PRKCD: variants seen among roughly 807,000 people sequenced by gnomAD.
PRKCD encodes the protein protein kinase C delta.
PRKCD carries 20 observed loss-of-function variants against 82.2 expected under a neutral mutation model. The observed-to-expected ratio is 0.24, with a 90% CI of 0.17 to 0.35. PRKCD has a LOEUF of 0.35. Among genes scored for constraint, PRKCD ranks in the 10% least tolerant of loss-of-function variants. The pLI, the probability that PRKCD is intolerant of heterozygous loss-of-function variation, is 1.00. For missense variants in PRKCD, 607 were observed against 899.0 expected (o/e 0.68, Z 4.15); for synonymous variants, 317 against 337.0 (o/e 0.94, Z 0.65).
chr3:53,176,192 G>A lies in PRKCD; in HGVS notation c.-19-2212G>A, dbSNP rs575834725. On this transcript the variant is annotated intron_variant, in intron 2 of 18. Coordinates refer to ENST00000330452, the MANE Select transcript of PRKCD (RefSeq NM_006254.4). ...CTGCTGGTGTCAGGCTGAAGGCTTCGGGACTTGGGCTCAGGCATGAGCTTG... is the reference window on the plus strand; with the variant it reads ...CTGCTGGTGTCAGGCTGAAGGCTTCAGGACTTGGGCTCAGGCATGAGCTTG... Among the ~76,000 whole-genome samples, 14 of 152,262 alleles carry A rather than the reference G, an allele frequency of 9.2e-5. No homozygotes were observed. The South Asian group carries it at 1.7e-3, about 18-fold the overall frequency.
At chr3:53,165,362 C>T (rs373097369) in intron 2 of PRKCD, 147 bp downstream of exon 2, 35 of 152,410 alleles carry the variant, frequency 2.3e-4, no homozygotes, top group African/African-American at 8.4e-4. Flanking sequence ...GCCCAGGGGC[C>T]GCAGCTGTTT....
At chr3:53,188,470 C>A (rs1402549697) in intron 15 of PRKCD, among the ~76,000 whole-genome samples, 2 of 152,188 alleles carry the variant, frequency 1.3e-5, no homozygotes, top group Non-Finnish European at 1.5e-5. Flanking sequence ...GTGACATCAC[C>A]TGTTTGAGCC....
intron 2 of PRKCD, among the ~76,000 whole-genome samples, chr3:53,173,229 G>A (rs1278930746): frequency 6.6e-6 from 1 of 152,200 alleles, no homozygotes; most frequent in Non-Finnish European, 1.5e-5. Context: ...CTTGTCTGCT[G>A]GAGGCAACCA....
intron 5 of PRKCD, 71 bp from the exon 6 acceptor site, chr3:53,181,373 C>T (rs549952346): frequency 1.2e-4 from 198 of 1,609,796 alleles, no homozygotes; most frequent in Non-Finnish European, 1.5e-4. Flanking sequence ...CCAGGACCAC[C>T]CTGGGAGGGA....
In PRKCD at chr3:53,185,702, T is replaced by C. The variant is rs1703651513; in HGVS notation, c.985+2T>C. On this transcript the variant is annotated splice_donor_variant, in intron 11 of 18. Coordinates refer to ENST00000330452, the MANE Select transcript of PRKCD (RefSeq NM_006254.4). LOFTEE classifies it high-confidence loss of function. ...GAGTTGCTGGGGAGGACATGCAAGG[T>C]GAAGCTGGGTCCATTGCCCCATTAC... The C allele has an allele frequency of 6.2e-7, 1 of 1,611,892 alleles. No individual in the cohort carries two copies. Among genetic ancestry groups the C allele is most frequent in the African/African-American group, 1.3e-5 (1 of 74,908 alleles).
At chr3:53,161,987 C>T (rs1389651148) in intron 1 of PRKCD, among the ~76,000 whole-genome samples, 1 of 151,048 alleles carries the variant, frequency 6.6e-6, no homozygotes, top group East Asian at 2.0e-4. Context: ...CCAGGCCAGG[C>T]CGCCCGCCGG....
rs1575542016 is a variant in PRKCD, at chr3:53,186,418, G to A, written c.1260+78G>A. ...TCCTCAGCCCCCCTCAGTCAGGGCTGTGTCTCCCCTTCAGGCCACTTAAGG... is the reference window on the plus strand; with the variant it reads ...TCCTCAGCCCCCCTCAGTCAGGGCTATGTCTCCCCTTCAGGCCACTTAAGG... On this transcript the variant is annotated intron_variant, in intron 13 of 18. Coordinates refer to ENST00000330452, the MANE Select transcript of PRKCD (RefSeq NM_006254.4). The A allele has an allele frequency of 4.4e-6, 7 of 1,573,202 alleles. No individual in the cohort carries two copies. In the South Asian group the frequency reaches 6.9e-5, roughly 15 times the overall value.
rs1703678940 is a variant in PRKCD at position 53,186,162 on chromosome 3, A to G, written c.1087-5A>G. On this transcript the variant is annotated splice_polypyrimidine_tract_variant and splice_region_variant and intron_variant, in intron 12 of 18. Coordinates refer to ENST00000330452, the MANE Select transcript of PRKCD (RefSeq NM_006254.4). ...ACCTGCTCAGCACCCGTGTCTCCCCATCAGGTGCTGCTTGGAGAGCTGAAG... is the reference window on the plus strand; with the variant it reads ...ACCTGCTCAGCACCCGTGTCTCCCCGTCAGGTGCTGCTTGGAGAGCTGAAG... The G allele has an allele frequency of 6.2e-7, 1 of 1,613,264 alleles. No individual in the cohort carries two copies. The highest frequency in any genetic ancestry group is 2.2e-5 in the East Asian group (1 of 44,860).
At chr3:53,172,623 G>T (rs943111233) in intron 2 of PRKCD, among the ~76,000 whole-genome samples, 1 of 152,210 alleles carries the variant, frequency 6.6e-6, no homozygotes, top group Non-Finnish European at 1.5e-5. Context: ...GGGGGAGAAG[G>T]CTGCAGTAGG....
chr3:53,178,330 G>GT, intron 2 of PRKCD, 74 bp from the exon 3 acceptor site: 4 of 899,718 alleles, frequency 4.4e-6, no homozygotes, highest in Non-Finnish European at 6.9e-6. Context: ...GGGGGAGCGG[G>GT]TCCCTGAGTG....
chr3:53,179,859 C>G, intron 4 of PRKCD, 83 bp downstream of exon 4: 2 of 1,506,610 alleles, frequency 1.3e-6, no homozygotes, highest in Non-Finnish European at 1.8e-6. Context: ...TGCGTGCACA[C>G]ACGCGGGCTT....
rs782032884 is a variant in PRKCD at position 53,189,117 on chromosome 3, G to C, written c.1614G>C (p.Leu538=). The part of the protein sequence containing the change: ...SVDWWSFGVL[L]YEMLIGQSPF... ...ACTGGTGGTCTTTCGGGGTCCTTCTGTACGAGATGCTCATTGGCCAGTCCC... is the reference window on the plus strand; with the variant it reads ...ACTGGTGGTCTTTCGGGGTCCTTCTCTACGAGATGCTCATTGGCCAGTCCC... Residue 538 remains leucine (L), a synonymous_variant, in exon 17 of 19, where the codon CTG becomes CTC. Coordinates refer to ENST00000330452, the MANE Select transcript of PRKCD (RefSeq NM_006254.4). 1 of 1,614,230 alleles carries C rather than the reference G, an allele frequency of 6.2e-7. No individual in the cohort carries two copies. The highest frequency in any genetic ancestry group is 8.5e-7 in the Non-Finnish European group (1 of 1,180,038).
At chr3:53,176,805 CATT>C in intron 2 of PRKCD, among the ~76,000 whole-genome samples, 1 of 152,362 alleles carries the variant, frequency 6.6e-6, no homozygotes, top group African/African-American at 2.4e-5. Context: ...TTACATTCAA[CATT>C]AAAATACAGT....
chr3:53,180,920 G>C (rs1703413784), intron 4 of PRKCD, among the ~76,000 whole-genome samples: 1 of 152,114 alleles, frequency 6.6e-6, no homozygotes, highest in South Asian at 2.1e-4. Context: ...GTAGGGGTGG[G>C]GAATTTCCCT....
chr3:53,168,398 G>A (rs1407167768), intron 2 of PRKCD, among the ~76,000 whole-genome samples: 1 of 152,162 alleles, frequency 6.6e-6, no homozygotes, highest in Non-Finnish European at 1.5e-5. Flanking sequence ...TTGAGGAGTG[G>A]TAAGGACAGT....
chr3:53,185,815 G>A (rs782647112), intron 11 of PRKCD, 112 bp from the exon 12 acceptor site: 77 of 1,513,934 alleles, frequency 5.1e-5, no homozygotes, highest in Non-Finnish European at 7.0e-5. Flanking sequence ...CGGTCCTGGG[G>A]AGCGAGCCCC....
At chr3:53,165,877 G>C (rs112425593) in intron 2 of PRKCD, among the ~76,000 whole-genome samples, 1 of 152,154 alleles carries the variant, frequency 6.6e-6, no homozygotes, top group African/African-American at 2.4e-5. Flanking sequence ...GTTTTGGGGC[G>C]AGCCTTGCCT....
At chr3:53,191,149 AC>A (rs1439443986) in intron 18 of PRKCD, among the ~76,000 whole-genome samples, 1 of 152,174 alleles carries the variant, frequency 6.6e-6, no homozygotes, top group Non-Finnish European at 1.5e-5. Flanking sequence ...AGTGGCCCAC[AC>A]CAGCACTTTG....
Position 53,184,934 on chromosome 3 carries a change from A to T in PRKCD, c.848A>T (p.Asn283Ile). The part of the protein sequence containing the change: ...REKVANLCGI[N>I]QKLLAEALNQ... ...AAGGTGGCCAACCTCTGCGGCATCA[A>T]CCAGAAGCTTTTGGCTGAGGCCTTG... is the stretch of plus-strand genomic sequence containing the variant. The change falls in exon 10 of 19, where the codon AAC (asparagine) becomes ATC (isoleucine). Residue 283 changes from asparagine to isoleucine, a missense_variant. Coordinates refer to ENST00000330452, the MANE Select transcript of PRKCD (RefSeq NM_006254.4). 6.2e-7 allele frequency: 1 copy of T among 1,614,052 alleles called. No homozygotes were observed. The highest frequency in any genetic ancestry group is 8.5e-7 in the Non-Finnish European group (1 of 1,179,950).
Sources: gnomAD v4.1 joint callset for allele counts (sites outside exome capture counted in the v4.1 genomes callset) on GRCh38, gnomAD v4.1.1 for gene constraint, MANE v1.5 for transcripts, NCBI Gene and HGNC (gene_info 2026-07-23, HGNC 2026-07-21) for gene names.